Variants in CDH12 observed in about 807,000 individuals in gnomAD.
CDH12 encodes the protein cadherin-12.
In CDH12, 41 loss-of-function variants were observed where a neutral mutation model predicts 74.1. The ratio of observed to expected loss-of-function variants is 0.55; its 90% CI spans 0.43 to 0.72. The LOEUF (loss-of-function observed/expected upper bound fraction) is 0.72, where lower values mean the gene tolerates loss of function less well. CDH12 is among the 30% of genes least tolerant of loss of function. CDH12 has a pLI of 0.00. For synonymous variants in CDH12, 399 were observed against 355.0 expected (o/e 1.12, Z -1.39); for missense variants, 945 against 977.2 (o/e 0.97, Z 0.44).
intron 8 of CDH12, among the ~76,000 whole-genome samples, chr5:21,821,625 C>G (rs1748375369): frequency 6.6e-6 from 1 of 151,756 alleles, no homozygotes; most frequent in Admixed American, 6.6e-5. Flanking sequence ...TACAAGAACA[C>G]TAGAAATATT....
At chr5:22,290,652 G>T (rs1464157832) in intron 3 of CDH12, among the ~76,000 whole-genome samples, 1 of 152,056 alleles carries the variant, frequency 6.6e-6, no homozygotes, top group Non-Finnish European at 1.5e-5. Context: ...GAATTTATGG[G>T]ACAGCACCAA....
At chr5:22,361,701 A>G (rs1561344321) in intron 3 of CDH12, among the ~76,000 whole-genome samples, 1 of 152,222 alleles carries the variant, frequency 6.6e-6, no homozygotes, top group Non-Finnish European at 1.5e-5. Flanking sequence ...TACAGTAACC[A>G]AAACAGCATG....
At chr5:22,426,541 G>A (rs893307322) in intron 2 of CDH12, among the ~76,000 whole-genome samples, 5 of 151,914 alleles carry the variant, frequency 3.3e-5, no homozygotes, top group Admixed American at 2.6e-4. Flanking sequence ...TATTCTAGTT[G>A]CCTTCAAAAA....
At chr5:22,149,361 T>C (rs1019800687) in intron 4 of CDH12, among the ~76,000 whole-genome samples, 1 of 152,174 alleles carries the variant, frequency 6.6e-6, no homozygotes, top group Non-Finnish European at 1.5e-5. Flanking sequence ...ATCCTACTGC[T>C]TTACTGGGTG....
At position 22,457,370 on chromosome 5, in the gene CDH12, C is replaced by T. The variant is rs1278512668; in HGVS notation, c.-428+47900G>A. 2.0e-5 allele frequency among the ~76,000 whole-genome samples: 3 copies of T among 151,782 alleles called. No homozygotes were observed. In the East Asian group the frequency reaches 5.8e-4, roughly 30 times the overall value. ...CCTTCCTTGCCTCTTCTTTCTTCTC[C>T]TTCTCCTTTTCCTTCTCCTTCTCCT... On this transcript the variant is annotated intron_variant, in intron 2 of 14. Coordinates refer to ENST00000382254, the MANE Select transcript of CDH12 (RefSeq NM_004061.5).
At chr5:21,993,494 C>T (rs1236625160) in intron 5 of CDH12, among the ~76,000 whole-genome samples, 1 of 152,156 alleles carries the variant, frequency 6.6e-6, no homozygotes, top group African/African-American at 2.4e-5. Context: ...CATACTCCAG[C>T]CAGCTTGGAA....
intron 2 of CDH12, among the ~76,000 whole-genome samples, chr5:22,451,104 A>G (rs141241527): frequency 1.3e-3 from 193 of 151,786 alleles, no homozygotes; most frequent in African/African-American, 4.3e-3. Context: ...TGCACTTACT[A>G]CTATATTAGG....
At chr5:22,529,161 A>ATGTG (rs1157957120) in intron 1 of CDH12, among the ~76,000 whole-genome samples, 10 of 112,898 alleles carry the variant, frequency 8.9e-5, no homozygotes, top group African/African-American at 3.2e-4. Flanking sequence ...ATATATACAC[A>ATGTG]TGTGTATATA....
intron 2 of CDH12, among the ~76,000 whole-genome samples, chr5:22,488,552 C>T (rs1215429572): frequency 6.6e-6 from 1 of 152,168 alleles, no homozygotes; most frequent in African/African-American, 2.4e-5. Flanking sequence ...AAACAATTCC[C>T]TGGGAATGTG....
intron 6 of CDH12, among the ~76,000 whole-genome samples, chr5:21,889,308 CA>C: frequency 6.6e-6 from 1 of 151,976 alleles, no homozygotes. Flanking sequence ...CATTATTTAG[CA>C]AAACAAAGTA....
At chr5:22,753,397 A>G (rs1745704402) in intron 1 of CDH12, among the ~76,000 whole-genome samples, 1 of 150,102 alleles carries the variant, frequency 6.7e-6, no homozygotes, top group Non-Finnish European at 1.5e-5. Context: ...AGATCGCGCC[A>G]TTGCACTTTA....
At chr5:22,260,271 C>T (rs1753462000) in intron 3 of CDH12, among the ~76,000 whole-genome samples, 1 of 152,066 alleles carries the variant, frequency 6.6e-6, no homozygotes, top group African/African-American at 2.4e-5. Flanking sequence ...TGTATCATCT[C>T]TAATTTGAGA....
At chr5:22,102,198 T>A (rs371537046) in intron 4 of CDH12, among the ~76,000 whole-genome samples, 14 of 152,320 alleles carry the variant, frequency 9.2e-5, no homozygotes, top group African/African-American at 3.4e-4. Context: ...TGTTTTAAAA[T>A]CAACTTTGGA....
chr5:22,697,327 T>A (rs1264856673), intron 1 of CDH12, among the ~76,000 whole-genome samples: 1 of 151,944 alleles, frequency 6.6e-6, no homozygotes, highest in Non-Finnish European at 1.5e-5. Context: ...ATCCCAGCAC[T>A]TTGGGAGGCC....
intron 3 of CDH12, among the ~76,000 whole-genome samples, chr5:22,214,261 A>G (rs190841642): frequency 5.5e-4 from 84 of 152,236 alleles, no homozygotes; most frequent in Non-Finnish European, 8.4e-4. Context: ...GTAGCCTCCC[A>G]TGCAGAGGTC....
At chr5:22,498,316 TCTC>T (rs1229293852) in intron 2 of CDH12, among the ~76,000 whole-genome samples, 1 of 152,026 alleles carries the variant, frequency 6.6e-6, no homozygotes, top group African/African-American at 2.4e-5. Flanking sequence ...TTGTTTGTAT[TCTC>T]CTCACTAGAA....
chr5:22,227,466 T>C (rs1287055459), intron 3 of CDH12, among the ~76,000 whole-genome samples: 2 of 152,134 alleles, frequency 1.3e-5, no homozygotes, highest in Admixed American at 6.6e-5. Context: ...TGTTTGATTT[T>C]TTCAGGGCTT....
chr5:22,396,256 C>A (rs113944770), intron 3 of CDH12, among the ~76,000 whole-genome samples: 3 of 152,084 alleles, frequency 2.0e-5, no homozygotes, highest in African/African-American at 4.8e-5. Flanking sequence ...GAGGGAACAC[C>A]AGATGCCCTG....
intron 1 of CDH12, among the ~76,000 whole-genome samples, chr5:22,675,869 T>TTATATATATATATATATATATATATATA (rs1561569716): frequency 7.2e-5 from 2 of 27,690 alleles, no homozygotes; most frequent in Admixed American, 4.2e-4. Flanking sequence ...CTTTTGTATC[T>TTATATATATATATATATATATATATATA]CATATATATA....
Sources: gnomAD v4.1 joint callset for allele counts (sites outside exome capture counted in the v4.1 genomes callset) on GRCh38, gnomAD v4.1.1 for gene constraint, MANE v1.5 for transcripts, NCBI Gene and HGNC (gene_info 2026-07-23, HGNC 2026-07-21) for gene names.